Variants in BICC1 observed in about 807,000 individuals in gnomAD.
The protein encoded by BICC1 is protein bicaudal C homolog 1.
A neutral mutation model predicts 111.0 loss-of-function variants in BICC1; 43 were observed. That is an observed-to-expected ratio of 0.39 (90% CI 0.30 to 0.50). The LOEUF (loss-of-function observed/expected upper bound fraction) is 0.50. Ranked by LOEUF, BICC1 falls within the 20% of genes least tolerant of loss-of-function variation. The pLI is 0.88. For missense variants in BICC1, 1,091 were observed against 1,203.2 expected (o/e 0.91, Z 1.38); for synonymous variants, 467 against 434.4 (o/e 1.07, Z -0.93).
intron 20 of BICC1, chr10:58,823,950 GAA>G: frequency 1.0e-6 from 1 of 985,364 alleles, no homozygotes; most frequent in Non-Finnish European, 1.2e-6. Context: ...GGAGGAACTT[GAA>G]ACAACAGCCA....
At position 58,554,987 on chromosome 10, in the gene BICC1, A is replaced by C. The variant is rs374057434; in HGVS notation, c.190+41654A>C. 4.9e-4 allele frequency among the ~76,000 whole-genome samples: 74 copies of C among 152,016 alleles called. 1 individual carries two copies. In the South Asian group the frequency reaches 0.015, roughly 31 times the overall value. ...GAACATATTAAATGTATAAAGTCTGAGCTTGTTATTTTAAATTTGTAATGT... is the reference window on the plus strand; with the variant it reads ...GAACATATTAAATGTATAAAGTCTGCGCTTGTTATTTTAAATTTGTAATGT... On this transcript the variant is annotated intron_variant, in intron 1 of 20. Transcript: ENST00000373886.
At chr10:58,713,660 C>G (rs1269322315) in intron 3 of BICC1, among the ~76,000 whole-genome samples, 2 of 152,128 alleles carry the variant, frequency 1.3e-5, no homozygotes, top group Non-Finnish European at 2.9e-5. Context: ...TGGTCACACA[C>G]AAAAAATAAA....
chr10:58,611,672 T>C (rs1564512513), intron 1 of BICC1, among the ~76,000 whole-genome samples: 1 of 151,908 alleles, frequency 6.6e-6, no homozygotes, highest in Non-Finnish European at 1.5e-5. Flanking sequence ...GTATTTTTAG[T>C]GGAGACAGGG....
chr10:58,803,394 T>C (rs1049801397), intron 15 of BICC1, 152 bp downstream of exon 15: 1 of 611,634 alleles, frequency 1.6e-6, no homozygotes, highest in Non-Finnish European at 2.5e-6. Context: ...TAGCAGTTAG[T>C]TTGCTATAAA....
intron 2 of BICC1, among the ~76,000 whole-genome samples, chr10:58,637,701 A>G (rs772134130): frequency 1.3e-5 from 2 of 152,238 alleles, no homozygotes; most frequent in Non-Finnish European, 2.9e-5. Context: ...AAGCTTTTAT[A>G]GAATATTGAA....
chr10:58,799,905 A>T (rs1843485153), intron 12 of BICC1, among the ~76,000 whole-genome samples: 1 of 152,122 alleles, frequency 6.6e-6, no homozygotes, highest in Admixed American at 6.5e-5. Context: ...TTGTAGTGTG[A>T]TAGGAATAGC....
At chr10:58,827,887 C>G (rs1391801016) in intron 20 of BICC1, among the ~76,000 whole-genome samples, 1 of 152,188 alleles carries the variant, frequency 6.6e-6, no homozygotes, top group East Asian at 1.9e-4. Context: ...AGAGCAACCC[C>G]TTCTCCTCCT....
chr10:58,718,796 G>A (rs1045258223), intron 3 of BICC1, among the ~76,000 whole-genome samples: 24 of 145,854 alleles, frequency 1.6e-4, no homozygotes, highest in African/African-American at 2.4e-4. Flanking sequence ...GCGCACGCCC[G>A]CGTGCTTATG....
At chr10:58,570,996 C>A (rs932383035) in intron 1 of BICC1, among the ~76,000 whole-genome samples, 8 of 152,148 alleles carry the variant, frequency 5.3e-5, no homozygotes, top group African/African-American at 1.9e-4. Context: ...TAGTACCCAG[C>A]AAAGGTATCC....
At chr10:58,731,140 A>G (rs1841279375) in intron 3 of BICC1, among the ~76,000 whole-genome samples, 1 of 152,102 alleles carries the variant, frequency 6.6e-6, no homozygotes, top group Non-Finnish European at 1.5e-5. Context: ...TTTACCAGAT[A>G]CTCTAAATCA....
chr10:58,711,390 C>T (rs1277490436), intron 3 of BICC1, among the ~76,000 whole-genome samples: 1 of 152,176 alleles, frequency 6.6e-6, no homozygotes, highest in Non-Finnish European at 1.5e-5. Context: ...TATAAAACGA[C>T]TACTTTTAGA....
At chr10:58,811,057 G>T (rs1359512445) in intron 17 of BICC1, among the ~76,000 whole-genome samples, 2 of 152,158 alleles carry the variant, frequency 1.3e-5, no homozygotes, top group Non-Finnish European at 2.9e-5. Context: ...GCAGCTTTGA[G>T]AAATTAATCT....
At chr10:58,657,245 T>A (rs1838686309) in intron 2 of BICC1, among the ~76,000 whole-genome samples, 1 of 152,210 alleles carries the variant, frequency 6.6e-6, no homozygotes, top group East Asian at 1.9e-4. Flanking sequence ...CTGGAAATGA[T>A]CACTGTCTAT....
In BICC1 at chr10:58,830,691, C is replaced by T. The variant is rs1451530399; in HGVS notation, c.*1800C>T. On this transcript the variant is annotated 3_prime_UTR_variant, in exon 21 of 21. Coordinates refer to ENST00000373886, the MANE Select transcript of BICC1 (RefSeq NM_001080512.3). ...TAAAATTATCAATTATAACTGGCAC[C>T]GAGGGACTGCCCTTTTTAAGCTAAA... 6.6e-6 allele frequency: 1 copy of T among 152,092 alleles called. No individual in the cohort carries two copies. The highest frequency in any genetic ancestry group is 6.6e-5 in the Admixed American group (1 of 15,258). The allele number at this position is 152,092 out of a possible 1,614,324, so 9.4% of individuals were successfully genotyped here. A position where few individuals can be genotyped will look rare whatever the true frequency, so the allele number is the denominator to read the frequency against.
intron 2 of BICC1, among the ~76,000 whole-genome samples, chr10:58,651,478 C>T (rs529681874): frequency 2.6e-5 from 4 of 152,184 alleles, no homozygotes; most frequent in Non-Finnish European, 5.9e-5. Context: ...TGTTGTTTCT[C>T]TCTTTGCTTG....
intron 1 of BICC1, among the ~76,000 whole-genome samples, chr10:58,549,980 T>C (rs1843252681): frequency 6.6e-6 from 1 of 152,022 alleles, no homozygotes; most frequent in African/African-American, 2.4e-5. Flanking sequence ...TGAGCCACTG[T>C]GCCCAGCTTA....
chr10:58,519,843 A>G (rs1842343067), intron 1 of BICC1, among the ~76,000 whole-genome samples: 1 of 152,030 alleles, frequency 6.6e-6, no homozygotes. Context: ...CTCCATGTCA[A>G]ATGTTTTTTT....
In BICC1 at chr10:58,798,432, C is replaced by G; in HGVS notation, c.1400C>G (p.Thr467Ser). Residue 467 changes from threonine (T) to serine (S), a missense_variant, in exon 11 of 21, where the codon ACT (threonine) becomes AGT (serine). Transcript: ENST00000373886. ...LLGPTTLSLNTSTTPNSLLNA... is the reference protein window; with the variant it reads ...LLGPTTLSLNSSTTPNSLLNA... ...GGACCCACCACCTTATCTCTGAACA[C>G]TTCAACAACCCCAAACTCACTCTTG... 1 of 1,611,276 alleles carries G rather than the reference C, an allele frequency of 6.2e-7. No homozygotes were observed. Among genetic ancestry groups the G allele is most frequent in the Non-Finnish European group, 8.5e-7 (1 of 1,178,874 alleles).
At chr10:58,761,964 G>A (rs1283949416) in intron 3 of BICC1, among the ~76,000 whole-genome samples, 10 of 152,116 alleles carry the variant, frequency 6.6e-5, no homozygotes, top group Non-Finnish European at 1.5e-4. Flanking sequence ...ATGAAAGAAC[G>A]TCAGACTGTA....
Sources: allele counts gnomAD v4.1 joint callset (sites outside exome capture counted in the v4.1 genomes callset), GRCh38; gene constraint gnomAD v4.1.1; transcripts MANE v1.5; gene names NCBI Gene and HGNC (gene_info 2026-07-23, HGNC 2026-07-21).